Variants in SUGCT observed in about 807,000 individuals in gnomAD.
The protein encoded by SUGCT is succinyl-CoA:glutarate-CoA transferase, also known as succinyl-CoA:glutarate CoA-transferase.
In SUGCT, 41 loss-of-function variants were observed where a neutral mutation model predicts 55.0. The observed-to-expected ratio is 0.74, with a 90% confidence interval of 0.58 to 0.97. SUGCT has a LOEUF of 0.97. Among genes scored for constraint, SUGCT ranks in the 50% least tolerant of loss-of-function variants. The probability of loss-of-function intolerance (pLI) is 0.00; values close to 1 mark genes in which losing one functional copy is unlikely to be tolerated. For missense variants in SUGCT, 568 were observed against 547.8 expected (o/e 1.04, Z -0.37); for synonymous variants, 187 against 200.4 (o/e 0.93, Z 0.56).
chr7:40,311,649 G>C (rs1795161801), intron 8 of SUGCT, among the ~76,000 whole-genome samples: 2 of 152,048 alleles, frequency 1.3e-5, no homozygotes. Flanking sequence ...TTGTTTTCCA[G>C]TTTTATCTTC....
At chr7:40,321,804 T>A (rs2151124003) in intron 9 of SUGCT, among the ~76,000 whole-genome samples, 1 of 152,350 alleles carries the variant, frequency 6.6e-6, no homozygotes, top group Non-Finnish European at 1.5e-5. Context: ...GGTATAGATA[T>A]ACCACATTTT....
intron 12 of SUGCT, among the ~76,000 whole-genome samples, chr7:40,501,220 ACAT>A (rs1257941755): frequency 6.6e-6 from 1 of 152,202 alleles, no homozygotes; most frequent in Admixed American, 6.5e-5. Flanking sequence ...AAATTTAGAT[ACAT>A]CATATTATTT....
intron 13 of SUGCT, among the ~76,000 whole-genome samples, chr7:40,749,969 C>A (rs1787927501): frequency 6.6e-6 from 1 of 150,608 alleles, no homozygotes; most frequent in Non-Finnish European, 1.5e-5. Flanking sequence ...CTTTACAGAA[C>A]AAGAAACTAA....
rs564378025 is a variant in SUGCT at position 40,305,291 on chromosome 7, C to T, written c.721-11469C>T. ...TGTGGGAATTGTACCTAACTTTCCT[C>T]CTTTTCTCTTGAGCATTTCTTCTTT... On this transcript the variant is annotated intron_variant, in intron 8 of 13. Transcript: ENST00000335693. 8.1e-4 allele frequency among the ~76,000 whole-genome samples: 123 copies of T among 152,354 alleles called. 1 individual carries two copies. The highest frequency in any genetic ancestry group is 2.8e-3 in the African/African-American group (116 of 41,584).
chr7:40,232,681 C>T lies in SUGCT; in HGVS notation c.485-4954C>T, dbSNP rs928468892. Among the ~76,000 whole-genome samples the T allele has an allele frequency of 6.6e-5, 10 of 152,246 alleles. No homozygotes were observed. In the East Asian group the frequency reaches 1.2e-3, roughly 18 times the overall value. ...CTTCCTCCCTGTACGTTTTTACCAA[C>T]GTCTAGAAATTCACGTTTTGCTTTC... On this transcript the variant is annotated intron_variant, in intron 6 of 13. Transcript: ENST00000335693.
chr7:40,661,525 A>C (rs1801299996), intron 12 of SUGCT, among the ~76,000 whole-genome samples: 1 of 152,184 alleles, frequency 6.6e-6, no homozygotes, highest in African/African-American at 2.4e-5. Flanking sequence ...TTTTTCACAG[A>C]AAAACTACTT....
At chr7:40,775,166 A>G (rs1015203916) in intron 13 of SUGCT, among the ~76,000 whole-genome samples, 1 of 152,226 alleles carries the variant, frequency 6.6e-6, no homozygotes, top group Non-Finnish European at 1.5e-5. Flanking sequence ...GTTTTGAAAG[A>G]TAAATGTGCT....
intron 9 of SUGCT, among the ~76,000 whole-genome samples, chr7:40,319,077 C>T (rs989349517): frequency 6.6e-6 from 1 of 152,006 alleles, no homozygotes; most frequent in South Asian, 2.1e-4. Context: ...GTATCTGTGT[C>T]TGTGTTTGTC....
rs147269459 is a variant in SUGCT at position 40,737,951 on chromosome 7, G to A, written c.1090-11483G>A. ...AAAAAAACAAAAAAAAAGGCCGGGC[G>A]CAGAGGCTCATGCCTATAATCGCGC... On this transcript the variant is annotated intron_variant, in intron 12 of 13. Coordinates refer to ENST00000335693, the MANE Select transcript of SUGCT (RefSeq NM_001193313.2). Among the ~76,000 whole-genome samples, 1,048 of 151,580 alleles carry A rather than the reference G, an allele frequency of 6.9e-3. 2 individuals carry two copies. Among genetic ancestry groups the A allele is most frequent in the Non-Finnish European group, 0.012 (818 of 67,864 alleles).
intron 6 of SUGCT, among the ~76,000 whole-genome samples, chr7:40,232,362 G>C (rs1232783946): frequency 6.6e-6 from 1 of 152,122 alleles, no homozygotes; most frequent in Non-Finnish European, 1.5e-5. Flanking sequence ...CCTACTGAAG[G>C]TCGTTAACCT....
At chr7:40,617,315 C>T (rs969922716) in intron 12 of SUGCT, among the ~76,000 whole-genome samples, 1 of 152,102 alleles carries the variant, frequency 6.6e-6, no homozygotes, top group African/African-American at 2.4e-5. Context: ...AATAAGATCT[C>T]CTCCAAAGTT....
At chr7:40,443,887 A>G (rs1435223722) in intron 9 of SUGCT, among the ~76,000 whole-genome samples, 1 of 152,082 alleles carries the variant, frequency 6.6e-6, no homozygotes, top group East Asian at 1.9e-4. Context: ...TCCATCTTGA[A>G]TTAATTTTTG....
At chr7:40,948,923 A>G in the SUGCT span, among the ~76,000 whole-genome samples, 1 of 152,208 alleles carries the variant, frequency 6.6e-6, no homozygotes, top group Non-Finnish European at 1.5e-5. Flanking sequence ...ATACGTATGC[A>G]TGTGTCTTTA....
At chr7:40,527,199 A>G (rs768819200) in intron 12 of SUGCT, among the ~76,000 whole-genome samples, 1 of 152,224 alleles carries the variant, frequency 6.6e-6, no homozygotes, top group Non-Finnish European at 1.5e-5. Flanking sequence ...GTGATCATCT[A>G]AAGTTTGAAA....
At chr7:40,624,441 C>T (rs189646278) in intron 12 of SUGCT, among the ~76,000 whole-genome samples, 22 of 152,262 alleles carry the variant, frequency 1.4e-4, no homozygotes, top group African/African-American at 5.3e-4. Flanking sequence ...TTAATCATCA[C>T]AATAACCATG....
intron 12 of SUGCT, among the ~76,000 whole-genome samples, chr7:40,670,270 A>G (rs1030532785): frequency 2.6e-5 from 4 of 151,810 alleles, no homozygotes; most frequent in Admixed American, 6.6e-5. Flanking sequence ...AGCAGAGCAA[A>G]ATAAAACAGA....
At chr7:40,268,887 T>G (rs941244141) in intron 7 of SUGCT, among the ~76,000 whole-genome samples, 2 of 152,222 alleles carry the variant, frequency 1.3e-5, no homozygotes, top group African/African-American at 4.8e-5. Context: ...TCCGCCCGCC[T>G]CAGGCTCCCA....
At chr7:40,906,615 G>T in the SUGCT span, among the ~76,000 whole-genome samples, 5 of 152,102 alleles carry the variant, frequency 3.3e-5, no homozygotes, top group African/African-American at 7.2e-5. Context: ...ACTGTGTTAG[G>T]TACTATAAGT....
At chr7:41,013,739 TTTTC>T in the SUGCT span, among the ~76,000 whole-genome samples, 1,048 of 151,350 alleles carry the variant, frequency 6.9e-3, 3 homozygotes, top group Middle Eastern at 0.017. Flanking sequence ...TTTTAGTTGC[TTTTC>T]TTTCTTTCTT....
Sources: gnomAD v4.1 joint callset for allele counts (sites outside exome capture counted in the v4.1 genomes callset) on GRCh38, gnomAD v4.1.1 for gene constraint, MANE v1.5 for transcripts, NCBI Gene and HGNC (gene_info 2026-07-23, HGNC 2026-07-21) for gene names.